SEMA6D: variants seen among roughly 807,000 people sequenced by gnomAD.
The protein encoded by SEMA6D is semaphorin 6D.
SEMA6D carries 35 observed loss-of-function variants against 106.6 expected under a neutral mutation model. The observed-to-expected ratio is 0.33, with a 90% CI of 0.25 to 0.44. The LOEUF (loss-of-function observed/expected upper bound fraction) is 0.44, where lower values mean the gene tolerates loss of function less well. Ranked by LOEUF, SEMA6D falls within the 20% of genes least tolerant of loss-of-function variation. SEMA6D has a pLI of 1.00. For synonymous variants in SEMA6D, 499 were observed against 487.7 expected, an observed-to-expected ratio of 1.02 and a Z score of -0.31; for missense variants, 1,185 against 1,345.9, an observed-to-expected ratio of 0.88 and a Z score of 1.87.
intron 3 of SEMA6D, among the ~76,000 whole-genome samples, chr15:47,564,529 A>G (rs1195262132): frequency 6.6e-6 from 1 of 152,210 alleles, no homozygotes; most frequent in Non-Finnish European, 1.5e-5. Context: ...TTGAACTGAT[A>G]TAAGACTATT....
chr15:47,240,009 T>C (rs1032801958), intron 1 of SEMA6D, among the ~76,000 whole-genome samples: 20 of 152,206 alleles, frequency 1.3e-4, no homozygotes, highest in Admixed American at 1.1e-3. Context: ...TCAATAAATT[T>C]GAGCTTTTAT....
chr15:47,757,374 G>T (rs766729176), intron 1 of SEMA6D, among the ~76,000 whole-genome samples: 1 of 152,166 alleles, frequency 6.6e-6, no homozygotes, highest in Non-Finnish European at 1.5e-5. Context: ...ATTTGGGACT[G>T]GTGTCAAAGC....
At chr15:47,609,545 A>G (rs1449329760) in intron 4 of SEMA6D, among the ~76,000 whole-genome samples, 1 of 152,206 alleles carries the variant, frequency 6.6e-6, no homozygotes, top group Non-Finnish European at 1.5e-5. Context: ...GAAGGTACAT[A>G]TACGCAGGTC....
At chr15:47,218,404 T>C (rs1185196989) in intron 1 of SEMA6D, among the ~76,000 whole-genome samples, 5 of 152,124 alleles carry the variant, frequency 3.3e-5, no homozygotes, top group African/African-American at 1.2e-4. Context: ...GGGTTGAATG[T>C]ACTCTTCCGA....
intron 3 of SEMA6D, among the ~76,000 whole-genome samples, chr15:47,551,588 A>G (rs913666519): frequency 2.0e-5 from 3 of 151,942 alleles, no homozygotes; most frequent in Non-Finnish European, 2.9e-5. Context: ...ATTTTCCTTC[A>G]TATCTCTGTG....
At chr15:47,346,858 A>G (rs892216764) in intron 1 of SEMA6D, among the ~76,000 whole-genome samples, 4 of 151,970 alleles carry the variant, frequency 2.6e-5, no homozygotes, top group Admixed American at 1.3e-4. Flanking sequence ...ACAACTTGCA[A>G]TCCTACTATG....
intron 3 of SEMA6D, among the ~76,000 whole-genome samples, chr15:47,539,104 G>T (rs996364359): frequency 5.3e-5 from 8 of 152,132 alleles, no homozygotes; most frequent in African/African-American, 1.7e-4. Context: ...AAAGCATATT[G>T]CAAGAAACAT....
At chr15:47,381,978 C>CA (rs1339895627) in intron 1 of SEMA6D, among the ~76,000 whole-genome samples, 1 of 152,064 alleles carries the variant, frequency 6.6e-6, no homozygotes, top group Non-Finnish European at 1.5e-5. Flanking sequence ...TTAGGGAGGG[C>CA]ACAGGTGGAT....
intron 2 of SEMA6D, among the ~76,000 whole-genome samples, chr15:47,446,100 A>G (rs1596016009): frequency 6.6e-6 from 1 of 152,164 alleles, no homozygotes; most frequent in South Asian, 2.1e-4. Context: ...TTCATTCTTC[A>G]CCCACCTCTG....
intron 1 of SEMA6D, among the ~76,000 whole-genome samples, chr15:47,217,635 ACT>A (rs1379186405): frequency 6.7e-6 from 1 of 149,774 alleles, no homozygotes; most frequent in Non-Finnish European, 1.5e-5. Context: ...TATGTATTTT[ACT>A]AAAAAATACA....
rs1285074620 is a variant in SEMA6D, at chr15:47,773,168, T to C, written c.*1383T>C. The C allele has an allele frequency of 6.6e-6, 1 of 152,622 alleles. No individual in the cohort carries two copies. The highest frequency in any genetic ancestry group is 1.5e-5 in the Non-Finnish European group (1 of 68,036). 9.5% of individuals were successfully genotyped at this position (152,622 alleles called of 1,614,324 possible). ...TACTGAGTGCCAGTTGTAAATGTTT[T>C]TCAACCAGCACCTAAAAAGACTCTT... On this transcript the variant is annotated 3_prime_UTR_variant, in exon 19 of 19. Coordinates refer to ENST00000536845, the MANE Select transcript of SEMA6D (RefSeq NM_001358351.3).
chr15:47,506,630 A>ACACACG (rs1246335927), intron 3 of SEMA6D, among the ~76,000 whole-genome samples: 1 of 151,732 alleles, frequency 6.6e-6, no homozygotes, highest in Admixed American at 6.6e-5. Flanking sequence ...ACACACACAC[A>ACACACG]CAGCGTTATC....
At chr15:47,717,743 G>A (rs2079167178) in intron 1 of SEMA6D, 51 bp downstream of exon 1, 3 of 146,782 alleles carry the variant, frequency 2.0e-5, no homozygotes, top group Admixed American at 2.0e-4. Flanking sequence ...CCCGGTGGGG[G>A]TCGGAACCTG....
chr15:47,578,382 T>G (rs1366024754), intron 3 of SEMA6D, among the ~76,000 whole-genome samples: 1 of 152,260 alleles, frequency 6.6e-6, no homozygotes, highest in Non-Finnish European at 1.5e-5. Flanking sequence ...TGAGGACTAC[T>G]GTTCCTTCAG....
chr15:47,576,846 G>A (rs920633416), intron 3 of SEMA6D, among the ~76,000 whole-genome samples: 6 of 152,058 alleles, frequency 3.9e-5, no homozygotes, highest in Non-Finnish European at 7.4e-5. Context: ...AGCCTTACGC[G>A]GCTCTCGGAT....
chr15:47,741,862 C>T (rs541014036), intron 1 of SEMA6D, among the ~76,000 whole-genome samples: 21 of 152,338 alleles, frequency 1.4e-4, no homozygotes, highest in Non-Finnish European at 2.6e-4. Context: ...GAGGAGCTCA[C>T]AGTCTAAAGA....
rs536406403 is a variant in SEMA6D at position 47,390,500 on chromosome 15, T to A, written c.-238-21893T>A. ...AGGAAAGAGGGAGTGAATATTTGCCTAAAAGTAATCCACCACATATGCCTT... is the reference window on the plus strand; with the variant it reads ...AGGAAAGAGGGAGTGAATATTTGCCAAAAAGTAATCCACCACATATGCCTT... On this transcript the variant is annotated intron_variant, in intron 1 of 19. Transcript: ENST00000558014. Among the ~76,000 whole-genome samples the A allele has an allele frequency of 2.4e-3, 368 of 152,242 alleles. 1 individual carries two copies. The highest frequency in any genetic ancestry group is 4.1e-3 in the Non-Finnish European group (276 of 68,002).
At chr15:47,264,088 C>T (rs886670377) in intron 1 of SEMA6D, among the ~76,000 whole-genome samples, 2 of 151,830 alleles carry the variant, frequency 1.3e-5, no homozygotes, top group Non-Finnish European at 2.9e-5. Context: ...AACAACCTAA[C>T]ACAGAAACAA....
At chr15:47,596,458 G>A (rs1469197196) in intron 3 of SEMA6D, among the ~76,000 whole-genome samples, 2 of 151,966 alleles carry the variant, frequency 1.3e-5, no homozygotes, top group Non-Finnish European at 2.9e-5. Context: ...TATTGCAAAA[G>A]ACACCAAATA....
Sources: gnomAD v4.1 joint callset for allele counts (sites outside exome capture counted in the v4.1 genomes callset) on GRCh38, gnomAD v4.1.1 for gene constraint, MANE v1.5 for transcripts, NCBI Gene and HGNC (gene_info 2026-07-23, HGNC 2026-07-21) for gene names.